The following OTC variants were observed in gnomAD, a reference collection of about 807,000 sequenced individuals.
OTC encodes ornithine transcarbamylase, mitochondrial.
OTC carries 3 observed loss-of-function variants against 30.3 expected under a neutral mutation model. That is an observed-to-expected ratio of 0.10 (90% CI 0.05 to 0.26). The LOEUF is 0.26. Ranked by LOEUF, OTC falls within the 10% of genes least tolerant of loss-of-function variation. The pLI, the probability that OTC is intolerant of heterozygous loss-of-function variation, is 1.00. For synonymous variants in OTC, 111 were observed against 99.7 expected (o/e 1.11, Z -0.67); for missense variants, 194 against 260.3 (o/e 0.75, Z 1.75).
the OTC span, among the ~76,000 whole-genome samples, chrX:38,332,504 T>TATATATATATA: frequency 2.2e-3 from 86 of 39,357 alleles, no homozygotes; most frequent in African/African-American, 7.5e-3. Context: ...GCCCTAGATT[T>TATATATATATA]TATATATATA....
At chrX:38,413,038 G>A (rs978237255) in intron 9 of OTC, among the ~76,000 whole-genome samples, 2 of 111,728 alleles carry the variant, frequency 1.8e-5, no homozygotes, top group Admixed American at 9.5e-5. Context: ...CTCCGAAGAC[G>A]GCTTCCACTG....
At chrX:38,355,646 A>G (rs2068236623) in intron 1 of OTC, among the ~76,000 whole-genome samples, 1 of 112,563 alleles carries the variant, frequency 8.9e-6, no homozygotes, top group South Asian at 3.7e-4. Flanking sequence ...ACATCCAGAC[A>G]ACGTGATTAT....
At chrX:38,403,845 T>G in intron 6 of OTC, 105 bp downstream of exon 6, 4 of 895,637 alleles carry the variant, frequency 4.5e-6, no homozygotes, top group Non-Finnish European at 6.5e-6. Flanking sequence ...ATAGCACAGG[T>G]GAGGCCACAG....
chrX:38,372,249 C>T (rs949801320), intron 3 of OTC, among the ~76,000 whole-genome samples: 2 of 111,158 alleles, frequency 1.8e-5, no homozygotes, highest in African/African-American at 3.3e-5. Context: ...AGGTGTTCTA[C>T]ATTAATTATG....
chrX:38,347,027 CATTTGCAGATA>C, the OTC span, among the ~76,000 whole-genome samples: 60 of 112,174 alleles, frequency 5.3e-4, no homozygotes, highest in Non-Finnish European at 9.6e-4. Flanking sequence ...TATTGATTTC[CATTTGCAGATA>C]AGGAAACTGA....
chrX:38,415,970 T>C (rs188060713), intron 9 of OTC, among the ~76,000 whole-genome samples: 1 of 112,392 alleles, frequency 8.9e-6, no homozygotes, highest in Non-Finnish European at 1.9e-5. Flanking sequence ...ACTATTGGTA[T>C]TGGACAGCAC....
chrX:38,394,904 A>G (rs930177383), intron 4 of OTC, among the ~76,000 whole-genome samples: 3 of 110,533 alleles, frequency 2.7e-5, no homozygotes, highest in African/African-American at 9.9e-5. Flanking sequence ...GGGGGGGGGC[A>G]GGGCAGAGGT....
chrX:38,358,634 T>G (rs1026546400), intron 1 of OTC, among the ~76,000 whole-genome samples: 1 of 104,223 alleles, frequency 9.6e-6, no homozygotes, highest in Admixed American at 1.0e-4. Flanking sequence ...TTTTTTTTTT[T>G]TTTTTGAGAT....
chrX:38,357,860 A>G (rs1449381754), intron 1 of OTC, among the ~76,000 whole-genome samples: 1 of 112,282 alleles, frequency 8.9e-6, no homozygotes, highest in East Asian at 2.8e-4. Context: ...AATATAAGGA[A>G]CTAGACTTGC....
intron 6 of OTC, 54 bp downstream of exon 6, chrX:38,403,794 G>A: frequency 8.6e-7 from 1 of 1,165,475 alleles, no homozygotes. Flanking sequence ...ATCCTCAGAT[G>A]CAATTACCCA....
At chrX:38,348,719 A>G (rs937450151), upstream of OTC, among the ~76,000 whole-genome samples, 1 of 109,181 alleles carries the variant, frequency 9.2e-6, no homozygotes, top group African/African-American at 3.3e-5. Context: ...TTGTATTTTT[A>G]GTAGAGATGG....
intron 3 of OTC, among the ~76,000 whole-genome samples, chrX:38,374,409 G>A (rs1202246464): frequency 9.1e-6 from 1 of 109,916 alleles, no homozygotes; most frequent in Non-Finnish European, 1.9e-5. Context: ...TGGTAAACCG[G>A]CAAATTCTTG....
At chrX:38,400,953 G>A (rs1007786101) in intron 4 of OTC, among the ~76,000 whole-genome samples, 3 of 112,244 alleles carry the variant, frequency 2.7e-5, no homozygotes, top group African/African-American at 3.2e-5. Context: ...ATGTTTCTCC[G>A]TATATCTTGC....
the OTC span, among the ~76,000 whole-genome samples, chrX:38,342,089 G>A: frequency 1.0e-5 from 1 of 99,568 alleles, no homozygotes. Flanking sequence ...GCACTATCTC[G>A]GCTCACTGCA....
At chrX:38,407,236 G>A (rs1487300998) in intron 6 of OTC, among the ~76,000 whole-genome samples, 1 of 112,581 alleles carries the variant, frequency 8.9e-6, no homozygotes, top group Non-Finnish European at 1.9e-5. Context: ...CTGTCAATCA[G>A]CCATTGAATG....
At chrX:38,327,684 AGCAGAGAGGCGGCCAC>A in the OTC span, 3 of 346,143 alleles carry the variant, frequency 8.7e-6, no homozygotes, top group East Asian at 1.4e-4. Flanking sequence ...GGCGGCCTGG[AGCAGAGAGGCGGCCAC>A]GCCGCGCAGT....
intron 3 of OTC, among the ~76,000 whole-genome samples, chrX:38,372,912 C>T (rs1159578920): frequency 1.8e-5 from 2 of 112,200 alleles, no homozygotes; most frequent in Non-Finnish European, 3.8e-5. Context: ...ATGATCCTCA[C>T]AGGACAGTCC....
intron 9 of OTC, among the ~76,000 whole-genome samples, chrX:38,420,299 C>T (rs1021906883): frequency 1.8e-5 from 2 of 110,731 alleles, no homozygotes; most frequent in African/African-American, 6.6e-5. Context: ...TGAGATAATG[C>T]ATGAACATTT....
At chrX:38,402,912 T>C (rs2068496329) in intron 5 of OTC, among the ~76,000 whole-genome samples, 1 of 110,974 alleles carries the variant, frequency 9.0e-6, no homozygotes, top group African/African-American at 3.3e-5. Context: ...CCTCCCGGGT[T>C]CAAGCGATTC....
Sources: gnomAD v4.1 joint callset for allele counts (sites outside exome capture counted in the v4.1 genomes callset) on GRCh38, gnomAD v4.1.1 for gene constraint, MANE v1.5 for transcripts, NCBI Gene and HGNC (gene_info 2026-07-23, HGNC 2026-07-21) for gene names.